The following DIS3L2 variants were observed in gnomAD, a reference collection of about 807,000 sequenced individuals.
DIS3L2 encodes DIS3-like exonuclease 2.
In DIS3L2, 34 loss-of-function variants were observed where a neutral mutation model predicts 97.5. That is an observed-to-expected ratio of 0.35 (90% CI 0.27 to 0.46). The LOEUF (loss-of-function observed/expected upper bound fraction) is 0.46. Ranked by LOEUF, DIS3L2 falls within the 20% of genes least tolerant of loss-of-function variation. The pLI, the probability that DIS3L2 is intolerant of heterozygous loss-of-function variation, is 1.00. For missense variants in DIS3L2, 1,038 were observed against 1,146.0 expected (o/e 0.91, Z 1.36); for synonymous variants, 435 against 445.2 (o/e 0.98, Z 0.29).
intron 10 of DIS3L2, among the ~76,000 whole-genome samples, chr2:232,234,310 A>G (rs1487740593): frequency 6.6e-6 from 1 of 152,206 alleles, no homozygotes; most frequent in Non-Finnish European, 1.5e-5. Flanking sequence ...CAGAGGAGAC[A>G]TTTAATAAAT....
rs1002986767 is a variant in DIS3L2 at position 232,225,880 on chromosome 2, G to A, written c.1205-12653G>A. 9.2e-5 allele frequency among the ~76,000 whole-genome samples: 14 copies of A among 152,046 alleles called. 1 individual carries two copies. Among genetic ancestry groups the A allele is most frequent in the African/African-American group, 3.4e-4 (14 of 41,386 alleles). ...AGAAACAAAGTACACGATACAACAGGGGTGAACCTTGAAAATAAACTAGGT... is the reference window on the plus strand; with the variant it reads ...AGAAACAAAGTACACGATACAACAGAGGTGAACCTTGAAAATAAACTAGGT... On this transcript the variant is annotated intron_variant, in intron 10 of 20. Coordinates refer to ENST00000325385, the MANE Select transcript of DIS3L2 (RefSeq NM_152383.5).
At chr2:232,317,180 G>T (rs558405360) in intron 14 of DIS3L2, among the ~76,000 whole-genome samples, 1 of 152,212 alleles carries the variant, frequency 6.6e-6, no homozygotes, top group Non-Finnish European at 1.5e-5. Context: ...CCTCGCCCAG[G>T]CAGTAAGTGC....
intron 5 of DIS3L2, among the ~76,000 whole-genome samples, chr2:232,083,070 C>CG (rs757889781): frequency 3.3e-5 from 5 of 150,564 alleles, no homozygotes; most frequent in Non-Finnish European, 7.4e-5. Context: ...AAAGACCCAC[C>CG]CCCCCATGAT....
chr2:232,324,015 T>C (rs1328752551), intron 14 of DIS3L2, among the ~76,000 whole-genome samples: 1 of 152,170 alleles, frequency 6.6e-6, no homozygotes, highest in Admixed American at 6.5e-5. Context: ...CAGTGCTCCG[T>C]AGACCCCTGC....
intron 6 of DIS3L2, among the ~76,000 whole-genome samples, chr2:232,110,798 T>C (rs905442748): frequency 6.6e-6 from 1 of 152,024 alleles, no homozygotes; most frequent in African/African-American, 2.4e-5. Flanking sequence ...CGGACCACCA[T>C]GGTCACCATG....
At chr2:232,199,032 C>T (rs1691827940) in intron 9 of DIS3L2, among the ~76,000 whole-genome samples, 2 of 152,160 alleles carry the variant, frequency 1.3e-5, no homozygotes, top group Non-Finnish European at 2.9e-5. Flanking sequence ...AAATCTTTGT[C>T]TGTTCTCAAA....
At chr2:231,973,742 A>G (rs1222322860) in intron 1 of DIS3L2, among the ~76,000 whole-genome samples, 1 of 152,140 alleles carries the variant, frequency 6.6e-6, no homozygotes, top group African/African-American at 2.4e-5. Flanking sequence ...CGGGCTACAT[A>G]TGTTACTGGG....
At chr2:232,159,825 T>C (rs1690599522) in intron 8 of DIS3L2, among the ~76,000 whole-genome samples, 1 of 152,228 alleles carries the variant, frequency 6.6e-6, no homozygotes, top group South Asian at 2.1e-4. Context: ...TTATCTTAAG[T>C]GAATGTTGAA....
In DIS3L2 at chr2:232,292,520, TC is replaced by T. The variant is rs927961309; in HGVS notation, c.1660-7517del. Among the ~76,000 whole-genome samples, 11 of 152,120 alleles carry T rather than the reference TC, an allele frequency of 7.2e-5. No homozygotes were observed. Among genetic ancestry groups the T allele is most frequent in the Non-Finnish European group, 1.0e-4 (7 of 68,010 alleles). On this transcript the variant is annotated intron_variant, in intron 13 of 20. Coordinates refer to ENST00000325385, the MANE Select transcript of DIS3L2 (RefSeq NM_152383.5). The surrounding 1 kb of genome is among the most constrained non-coding windows in gnomAD (Gnocchi z 4.4). ...ACAGAGTCTGGGGAAGATTCTCCTC[TC>T]CCAAGGGTCCTAGTCCCTTCAACTC...
chr2:232,262,130 A>G (rs1045780854), intron 12 of DIS3L2, among the ~76,000 whole-genome samples: 1 of 151,432 alleles, frequency 6.6e-6, no homozygotes, highest in Non-Finnish European at 1.5e-5. Flanking sequence ...TACTGTTTTC[A>G]TTCCCTGGCT....
intron 8 of DIS3L2, among the ~76,000 whole-genome samples, chr2:232,154,766 G>T (rs1431976469): frequency 2.0e-5 from 3 of 148,900 alleles, no homozygotes; most frequent in Non-Finnish European, 4.5e-5. Flanking sequence ...GTTTACCTAA[G>T]CAAGCCTGGG....
intron 5 of DIS3L2, among the ~76,000 whole-genome samples, chr2:232,077,971 T>TTTCTTTCTTTC (rs1696255626): frequency 7.9e-6 from 1 of 127,188 alleles, no homozygotes; most frequent in African/African-American, 3.2e-5. Flanking sequence ...CTTTCTTTCT[T>TTTCTTTCTTTC]TCTTTCTTTC....
chr2:232,166,648 G>A (rs867294346), intron 9 of DIS3L2, among the ~76,000 whole-genome samples: 30 of 151,506 alleles, frequency 2.0e-4, no homozygotes, highest in African/African-American at 3.4e-4. Flanking sequence ...CCCGGGAGGC[G>A]GAGGTTGCAG....
In DIS3L2 at chr2:232,334,536, G is replaced by A. The variant is rs1814893; in HGVS notation, c.2289+37G>A. 124,483 of 1,610,604 alleles carry A rather than the reference G, an allele frequency of 0.077. 6,922 individuals are homozygous for A. The highest frequency in any genetic ancestry group is 0.28 in the African/African-American group (21,000 of 74,768). ...AGCCTGGTGCCCCTCACCTCCCTCTGGCTCCCGACCCTCCTGGGCACCTGC... is the reference window on the plus strand; with the variant it reads ...AGCCTGGTGCCCCTCACCTCCCTCTAGCTCCCGACCCTCCTGGGCACCTGC... On this transcript the variant is annotated intron_variant, in intron 18 of 20. Transcript: ENST00000325385.
At chr2:232,344,016 C>T (rs1322268163) in exon 14 of DIS3L2, 1 of 161,750 alleles carries the variant, frequency 6.2e-6, no homozygotes, top group Middle Eastern at 7.8e-4. Context: ...CTGGAAATGC[C>T]TCGTCATCTG....
chr2:232,287,246 C>T (rs1201481666), intron 13 of DIS3L2, among the ~76,000 whole-genome samples: 1 of 152,070 alleles, frequency 6.6e-6, no homozygotes, highest in Admixed American at 6.6e-5. Flanking sequence ...TAACATTTAA[C>T]ATTGTGTCTA....
At chr2:232,143,722 A>G (rs1003233772) in intron 8 of DIS3L2, among the ~76,000 whole-genome samples, 5 of 152,252 alleles carry the variant, frequency 3.3e-5, no homozygotes, top group South Asian at 2.1e-4. Context: ...TAACACTTCT[A>G]TAATTTTTGA....
At chr2:232,341,133 A>G, downstream of DIS3L2, 1 of 361,574 alleles carries the variant, frequency 2.8e-6, no homozygotes, top group Non-Finnish European at 5.4e-6. Flanking sequence ...CTCAACAGAT[A>G]CATGTCCCTC....
chr2:232,223,750 AAAGT>A (rs1383679443), intron 10 of DIS3L2, among the ~76,000 whole-genome samples: 1 of 152,216 alleles, frequency 6.6e-6, no homozygotes, highest in Non-Finnish European at 1.5e-5. Flanking sequence ...TGCTAGACAA[AAAGT>A]AAGTGTTTAG....
Sources: gnomAD v4.1 joint callset for allele counts (sites outside exome capture counted in the v4.1 genomes callset) on GRCh38, gnomAD v4.1.1 for gene constraint, Gnocchi (gnomAD v3.1) non-coding constraint, MANE v1.5 for transcripts, NCBI Gene and HGNC (gene_info 2026-07-23, HGNC 2026-07-21) for gene names.